Variants in CDC73 observed in about 807,000 individuals in gnomAD.
CDC73 encodes cell division cycle 73.
CDC73 carries 21 observed loss-of-function variants against 83.7 expected under a neutral mutation model. The ratio of observed to expected loss-of-function variants is 0.25; its 90% confidence interval spans 0.18 to 0.36. The LOEUF is 0.36. Ranked by LOEUF, CDC73 falls within the 10% of genes least tolerant of loss-of-function variation. CDC73 has a pLI of 1.00. For synonymous variants in CDC73, 224 were observed against 212.9 expected, an observed-to-expected ratio of 1.05 and a Z score of -0.45; for missense variants, 342 against 653.3, an observed-to-expected ratio of 0.52 and a Z score of 5.19.
At chr1:193,152,478 C>T in intron 10 of CDC73, 34 bp downstream of exon 10, 1 of 1,413,576 alleles carries the variant, frequency 7.1e-7, no homozygotes, top group Non-Finnish European at 1.0e-6. Context: ...TTCTTTTGTT[C>T]CAGGGATTTT....
chr1:193,150,048 C>T (rs191972516), intron 8 of CDC73, among the ~76,000 whole-genome samples: 12 of 151,680 alleles, frequency 7.9e-5, no homozygotes, highest in Admixed American at 3.3e-4. Flanking sequence ...AGACTGAGGT[C>T]GATCACCTGA....
At chr1:193,204,633 G>A (rs1244270862) in intron 11 of CDC73, among the ~76,000 whole-genome samples, 1 of 152,030 alleles carries the variant, frequency 6.6e-6, no homozygotes, top group African/African-American at 2.4e-5. Context: ...TGATTCAAAG[G>A]TCATTGATAA....
At chr1:193,186,986 A>C (rs1446942681) in intron 10 of CDC73, among the ~76,000 whole-genome samples, 1 of 150,060 alleles carries the variant, frequency 6.7e-6, no homozygotes, top group African/African-American at 2.4e-5. Context: ...TAACCCCTTC[A>C]GTGCATTCTC....
At chr1:193,238,897 A>G (rs922244428) in intron 15 of CDC73, among the ~76,000 whole-genome samples, 2 of 152,194 alleles carry the variant, frequency 1.3e-5, no homozygotes, top group African/African-American at 4.8e-5. Context: ...TTGCTGTCCC[A>G]GGTGGCAGAG....
rs757532746 is a variant in CDC73, at chr1:193,142,076, A to G, written c.729+10A>G. ...ACAAAGCACAGGAAAGGTAATTAAA[A>G]TATTTTACTCATTCATTGGAGTGAG... On this transcript the variant is annotated intron_variant, in intron 7 of 16. Transcript: ENST00000367435. 14 of 1,592,924 alleles carry G rather than the reference A, an allele frequency of 8.8e-6. No individual in the cohort carries two copies. The South Asian group carries it at 1.4e-4, about 16-fold the overall frequency.
chr1:193,239,292 G>A (rs1677817905), intron 15 of CDC73, among the ~76,000 whole-genome samples: 1 of 152,002 alleles, frequency 6.6e-6, no homozygotes, highest in Non-Finnish European at 1.5e-5. Flanking sequence ...CTTAGCTCTT[G>A]GTTGATCTTT....
intron 10 of CDC73, among the ~76,000 whole-genome samples, chr1:193,195,146 C>T (rs2103171214): frequency 6.6e-6 from 1 of 152,174 alleles, no homozygotes; most frequent in Non-Finnish European, 1.5e-5. Flanking sequence ...AATATTCAGA[C>T]CATCATTGAA....
chr1:193,187,016 C>G (rs555500167), intron 10 of CDC73, among the ~76,000 whole-genome samples: 2 of 138,858 alleles, frequency 1.4e-5, no homozygotes, highest in South Asian at 4.7e-4. Flanking sequence ...TTTTTTTTCT[C>G]TGCTTTCAAA....
chr1:193,207,497 C>T (rs1423975639), intron 11 of CDC73, among the ~76,000 whole-genome samples: 1 of 152,146 alleles, frequency 6.6e-6, no homozygotes. Context: ...ATAAGACAGA[C>T]ACTCCCAGAG....
chr1:193,228,965 T>G (rs987225035), intron 13 of CDC73, among the ~76,000 whole-genome samples: 2 of 152,062 alleles, frequency 1.3e-5, no homozygotes, highest in South Asian at 2.1e-4. Context: ...ATGTTGACAC[T>G]CCACAAAACA....
At chr1:193,154,383 T>G (rs1676171841) in intron 10 of CDC73, among the ~76,000 whole-genome samples, 1 of 152,218 alleles carries the variant, frequency 6.6e-6, no homozygotes, top group Non-Finnish European at 1.5e-5. Context: ...CAGAGCAGTT[T>G]TTCTAAAATT....
intron 10 of CDC73, among the ~76,000 whole-genome samples, chr1:193,195,668 CTTATT>C (rs143260317): frequency 0.04 from 6,028 of 152,072 alleles, 108 homozygotes; most frequent in Middle Eastern, 0.048. Context: ...TTGTTACTTT[CTTATT>C]TTGTTACTGG....
chr1:193,250,786 A>T lies in CDC73; in HGVS notation c.*74A>T. ...TTTATCAAGAACTTAAAAATGAAGA[A>T]GGTCACAGATTGATCTTTTATAAGA... On this transcript the variant is annotated 3_prime_UTR_variant, in exon 17 of 17. Coordinates refer to ENST00000367435, the MANE Select transcript of CDC73 (RefSeq NM_024529.5). 2 of 1,279,498 alleles carry T rather than the reference A, an allele frequency of 1.6e-6. No individual in the cohort carries two copies. Among genetic ancestry groups the T allele is most frequent in the African/African-American group, 1.5e-5 (1 of 68,326 alleles). The allele number at this position is 1,279,498 out of a possible 1,614,324, so 79.3% of individuals were successfully genotyped here.
At chr1:193,152,204 G>GT (rs1221538410) in intron 9 of CDC73, among the ~76,000 whole-genome samples, 176 bp from the exon 10 acceptor site, 1 of 152,050 alleles carries the variant, frequency 6.6e-6, no homozygotes, top group African/African-American at 2.4e-5. Context: ...TTAACCTAGA[G>GT]TCCTTTTTAA....
rs1167345324 is a variant in CDC73 at position 193,157,829 on chromosome 1, A to G, written c.972+5385A>G. ...GCTGGCTTTGATTTTCAGTTCTACC[A>G]TTCATTCTCCTGCTTGTGAAGTTGA... is the stretch of plus-strand genomic sequence containing the variant. On this transcript the variant is annotated intron_variant, in intron 10 of 16. Transcript: ENST00000367435. 2.0e-5 allele frequency among the ~76,000 whole-genome samples: 3 copies of G among 152,118 alleles called. No homozygotes were observed. In the East Asian group the frequency reaches 5.8e-4, roughly 29 times the overall value.
chr1:193,234,212 CACACACACATAT>C (rs1677713121), intron 14 of CDC73, among the ~76,000 whole-genome samples: 1 of 23,760 alleles, frequency 4.2e-5, no homozygotes, highest in Non-Finnish European at 9.6e-5. Flanking sequence ...CACACACACA[CACACACACATAT>C]ATATATTTAA....
At position 193,122,225 on chromosome 1, in the gene CDC73, C is replaced by A. The variant is rs121434262; in HGVS notation, c.25C>A (p.Arg9=). ...GATGGCGGACGTGCTTAGCGTCCTG[C>A]GACAGTACAACATCCAGAAGAAGGA... The part of the protein sequence containing the change: MADVLSVL[R]QYNIQKKEIV... Residue 9 remains arginine (R), a synonymous_variant, in exon 1 of 17, where the codon CGA becomes AGA. Transcript: ENST00000367435. 6.2e-7 allele frequency: 1 copy of A among 1,614,126 alleles called. No individual in the cohort carries two copies. Among genetic ancestry groups the A allele is most frequent in the Non-Finnish European group, 8.5e-7 (1 of 1,179,988 alleles).
intron 10 of CDC73, among the ~76,000 whole-genome samples, chr1:193,163,263 T>C (rs1187404267): frequency 6.6e-6 from 1 of 151,836 alleles, no homozygotes; most frequent in African/African-American, 2.4e-5. Context: ...CCCTGCACTT[T>C]GGGAGGCTGA....
chr1:193,222,397 T>C (rs1677487712), intron 13 of CDC73, among the ~76,000 whole-genome samples: 1 of 152,174 alleles, frequency 6.6e-6, no homozygotes, highest in South Asian at 2.1e-4. Context: ...TACCAGAGCG[T>C]AGACTGGACT....
Sources: allele counts gnomAD v4.1 joint callset (sites outside exome capture counted in the v4.1 genomes callset), GRCh38; gene constraint gnomAD v4.1.1; transcripts MANE v1.5; gene names NCBI Gene and HGNC (gene_info 2026-07-23, HGNC 2026-07-21).